NRG4: variants seen among roughly 807,000 people sequenced by gnomAD.
The protein encoded by NRG4 is pro-neuregulin-4, membrane-bound isoform.
In NRG4, 10 loss-of-function variants were observed where a neutral mutation model predicts 15.0. The ratio of observed to expected loss-of-function variants is 0.67; its 90% CI spans 0.41 to 1.13. NRG4 has a LOEUF of 1.13. Ranked by LOEUF, NRG4 falls within the 50% of genes most tolerant of loss-of-function variation. The pLI is 0.00. For missense variants in NRG4, 139 were observed against 140.2 expected (o/e 0.99, Z 0.04); for synonymous variants, 41 against 50.1 (o/e 0.82, Z 0.77).
chr15:76,012,945 C>T (rs1300478453), upstream of NRG4, among the ~76,000 whole-genome samples: 1 of 152,052 alleles, frequency 6.6e-6, no homozygotes, highest in Non-Finnish European at 1.5e-5. Flanking sequence ...TGCCTGAATG[C>T]TATGGCAAAG....
At chr15:76,007,434 T>C (rs1486031595) in intron 3 of NRG4, among the ~76,000 whole-genome samples, 1 of 150,254 alleles carries the variant, frequency 6.7e-6, no homozygotes, top group East Asian at 1.9e-4. Context: ...GCACTTTTTT[T>C]TTTTTTTTTT....
intron 2 of NRG4, among the ~76,000 whole-genome samples, chr15:76,054,382 C>T (rs1055408119): frequency 6.6e-6 from 1 of 152,092 alleles, no homozygotes; most frequent in Admixed American, 6.5e-5. Context: ...TGAGTCACTG[C>T]ACCCAGCCAG....
At chr15:75,997,122 GTAAAC>G (rs2034245048) in intron 3 of NRG4, among the ~76,000 whole-genome samples, 1 of 151,854 alleles carries the variant, frequency 6.6e-6, no homozygotes, top group Non-Finnish European at 1.5e-5. Context: ...AAAAAAATAT[GTAAAC>G]TAAATAAGGG....
At chr15:75,980,833 GA>G (rs140425625) in intron 3 of NRG4, among the ~76,000 whole-genome samples, 5,383 of 148,624 alleles carry the variant, frequency 0.036, 166 homozygotes, top group African/African-American at 0.084. Context: ...AGCTCTGTAA[GA>G]AAAAAAAATA....
At chr15:75,940,132 TAATTC>T (rs1242259272), downstream of NRG4, 1 of 148,854 alleles carries the variant, frequency 6.7e-6, no homozygotes, top group Non-Finnish European at 1.5e-5. Flanking sequence ...AAATAACTGT[TAATTC>T]AGTAAGGTAG....
intron 2 of NRG4, among the ~76,000 whole-genome samples, chr15:76,055,846 T>C (rs972198748): frequency 1.3e-5 from 2 of 152,192 alleles, no homozygotes; most frequent in Admixed American, 6.5e-5. Context: ...TTTTAGTGGG[T>C]TTACTGTAGT....
At chr15:76,055,379 CTAAG>C in intron 2 of NRG4, among the ~76,000 whole-genome samples, 1 of 152,304 alleles carries the variant, frequency 6.6e-6, no homozygotes, top group Middle Eastern at 3.4e-3. Flanking sequence ...AACAAAAACT[CTAAG>C]TGGTCACATA....
At chr15:76,020,582 A>T (rs112037486) in intron 5 of NRG4, among the ~76,000 whole-genome samples, 2,593 of 152,210 alleles carry the variant, frequency 0.017, 68 homozygotes, top group African/African-American at 0.058. Context: ...AAATACACTA[A>T]CACTAACAAT....
chr15:75,960,661 T>A (rs1032001138), intron 4 of NRG4, among the ~76,000 whole-genome samples: 5 of 152,158 alleles, frequency 3.3e-5, no homozygotes, highest in Non-Finnish European at 7.4e-5. Flanking sequence ...CCAAGTAGTC[T>A]ATGATCAAGG....
chr15:76,027,865 A>G (rs760564103), intron 5 of NRG4, among the ~76,000 whole-genome samples: 1 of 152,216 alleles, frequency 6.6e-6, no homozygotes, highest in African/African-American at 2.4e-5. Context: ...CAAATCAATA[A>G]GAGAAACATT....
intron 4 of NRG4, among the ~76,000 whole-genome samples, chr15:76,043,132 G>A (rs892371825): frequency 3.3e-5 from 5 of 152,184 alleles, no homozygotes; most frequent in Non-Finnish European, 7.4e-5. Flanking sequence ...AAAAAACTGG[G>A]TATAGAAGGA....
intron 4 of NRG4, among the ~76,000 whole-genome samples, chr15:76,039,277 G>A (rs1458950808): frequency 1.3e-5 from 2 of 152,140 alleles, no homozygotes; most frequent in African/African-American, 4.8e-5. Flanking sequence ...TAAATAAGGT[G>A]CGAGGCCAAT....
chr15:76,038,651 G>T (rs1032770460), intron 4 of NRG4, among the ~76,000 whole-genome samples: 7 of 152,226 alleles, frequency 4.6e-5, no homozygotes, highest in Admixed American at 3.9e-4. Context: ...CTCCCAGATG[G>T]CATCTCTGGA....
Position 75,946,000 on chromosome 15 carries a change from CATT to C in NRG4, c.332-2349_332-2347del, listed in dbSNP as rs772092896. On this transcript the variant is annotated intron_variant, in intron 5 of 5. Coordinates refer to ENST00000394907, the MANE Select transcript of NRG4 (RefSeq NM_138573.4). ...CATCACTACTCCTGCACTTTGGGGC[CATT>C]ATTAAGTAAAATAAGGGTTATTTGA... 4.7e-4 allele frequency among the ~76,000 whole-genome samples: 72 copies of C among 152,224 alleles called. 1 individual carries two copies. The highest frequency in any genetic ancestry group is 3.4e-3 in the Middle Eastern group (1 of 294).
intron 3 of NRG4, chr15:76,005,731 A>T (rs2034580899): frequency 2.6e-6 from 1 of 387,894 alleles, no homozygotes; most frequent in African/African-American, 2.1e-5. Flanking sequence ...GGAAGAGAAA[A>T]TATACCTCTT....
chr15:76,027,730 A>AT (rs894674767), intron 5 of NRG4, among the ~76,000 whole-genome samples: 3 of 152,082 alleles, frequency 2.0e-5, no homozygotes, highest in Non-Finnish European at 4.4e-5. Flanking sequence ...CCAACAACTG[A>AT]TTTTTTTCAT....
chr15:75,984,559 T>C (rs2033722716), intron 3 of NRG4, among the ~76,000 whole-genome samples: 1 of 152,120 alleles, frequency 6.6e-6, no homozygotes, highest in Admixed American at 6.5e-5. Flanking sequence ...ACACCGCATG[T>C]TCTCACTCAT....
chr15:75,999,888 C>A (rs2034344819), intron 3 of NRG4, among the ~76,000 whole-genome samples: 1 of 151,982 alleles, frequency 6.6e-6, no homozygotes, highest in South Asian at 2.1e-4. Context: ...TAGCTGGGCA[C>A]ACTGGCACAC....
At chr15:76,018,949 C>G (rs2035068096) in intron 5 of NRG4, among the ~76,000 whole-genome samples, 1 of 152,122 alleles carries the variant, frequency 6.6e-6, no homozygotes, top group Non-Finnish European at 1.5e-5. Flanking sequence ...CCCCCAGGTC[C>G]TCTGTTCCAG....
Sources: gnomAD v4.1 joint callset for allele counts (sites outside exome capture counted in the v4.1 genomes callset) on GRCh38, gnomAD v4.1.1 for gene constraint, MANE v1.5 for transcripts, NCBI Gene and HGNC (gene_info 2026-07-23, HGNC 2026-07-21) for gene names.